Variants in APOOL observed in about 807,000 individuals in gnomAD.
APOOL encodes the protein apolipoprotein O like, also known as MICOS complex subunit MIC27.
A neutral mutation model predicts 23.1 loss-of-function variants in APOOL; 12 were observed. The observed-to-expected ratio is 0.52, with a 90% CI of 0.33 to 0.84. APOOL has a LOEUF of 0.84. Ranked by LOEUF, APOOL falls within the 40% of genes least tolerant of loss-of-function variation. The pLI, the probability that APOOL is intolerant of heterozygous loss-of-function variation, is 0.02. For missense variants in APOOL, 212 were observed against 199.6 expected, an observed-to-expected ratio of 1.06 and a Z score of -0.37; for synonymous variants, 77 against 69.9, an observed-to-expected ratio of 1.10 and a Z score of -0.51.
intron 6 of APOOL, 109 bp downstream of exon 6, chrX:85,067,327 G>T: frequency 1.9e-6 from 1 of 517,572 alleles, no homozygotes; most frequent in Admixed American, 3.5e-5. Context: ...AAGAGACATA[G>T]TTGGTATCAA....
chrX:85,007,273 A>G (rs1921111555), intron 1 of APOOL, among the ~76,000 whole-genome samples: 1 of 111,531 alleles, frequency 9.0e-6, no homozygotes, highest in Admixed American at 9.6e-5. Context: ...TGCTCACAGC[A>G]TAGGAGGGGA....
At chrX:85,052,080 AT>A (rs1387171995) in intron 3 of APOOL, among the ~76,000 whole-genome samples, 3 of 112,038 alleles carry the variant, frequency 2.7e-5, no homozygotes, top group Non-Finnish European at 3.8e-5. Context: ...GCAGCAAATA[AT>A]TTGTGGCTAT....
intron 5 of APOOL, among the ~76,000 whole-genome samples, chrX:85,059,326 C>T (rs1463148369): frequency 2.7e-5 from 3 of 109,199 alleles, no homozygotes; most frequent in Non-Finnish European, 3.8e-5. Context: ...TGAATAGTGC[C>T]GCAATAAACA....
At chrX:85,080,251 C>T (rs1179371233) in intron 8 of APOOL, among the ~76,000 whole-genome samples, 1 of 112,144 alleles carries the variant, frequency 8.9e-6, no homozygotes, top group Non-Finnish European at 1.9e-5. Flanking sequence ...TCCTTCTACA[C>T]ACTGCTTTAA....
intron 1 of APOOL, among the ~76,000 whole-genome samples, chrX:85,011,918 G>A (rs985624841): frequency 1.8e-5 from 2 of 111,535 alleles, no homozygotes; most frequent in Non-Finnish European, 3.8e-5. Flanking sequence ...TATTGAATCC[G>A]TAGATCACTT....
At chrX:85,026,745 G>A (rs907572293) in intron 1 of APOOL, among the ~76,000 whole-genome samples, 15 of 111,259 alleles carry the variant, frequency 1.3e-4, no homozygotes, top group South Asian at 7.6e-4. Context: ...GCTGACCTTC[G>A]CTCCAGTTCC....
intron 1 of APOOL, among the ~76,000 whole-genome samples, chrX:85,045,366 T>C (rs1410899545): frequency 8.9e-6 from 1 of 111,932 alleles, no homozygotes; most frequent in African/African-American, 3.2e-5. Context: ...ACTTAACTGA[T>C]TGATGCCTGA....
At chrX:85,014,454 G>T (rs781664455) in intron 1 of APOOL, among the ~76,000 whole-genome samples, 6 of 109,561 alleles carry the variant, frequency 5.5e-5, no homozygotes, top group Non-Finnish European at 9.5e-5. Flanking sequence ...GGTGTATTTT[G>T]AGGTTTTCTT....
intron 1 of APOOL, among the ~76,000 whole-genome samples, chrX:85,005,005 G>A (rs1231761205): frequency 9.1e-6 from 1 of 110,366 alleles, no homozygotes; most frequent in Non-Finnish European, 1.9e-5. Flanking sequence ...GGCCTAAAGT[G>A]CCTTTTCCCA....
chrX:85,065,740 T>A (rs930501167), intron 5 of APOOL, among the ~76,000 whole-genome samples: 2 of 110,933 alleles, frequency 1.8e-5, no homozygotes, highest in Admixed American at 9.7e-5. Context: ...ACCTACTATG[T>A]TTAGGAGCAG....
At chrX:85,082,706 A>G (rs1713218115) in intron 8 of APOOL, among the ~76,000 whole-genome samples, 1 of 112,115 alleles carries the variant, frequency 8.9e-6, no homozygotes, top group Non-Finnish European at 1.9e-5. Flanking sequence ...TTTAAACTAC[A>G]ATGGCAGAGT....
At chrX:85,047,039 G>C (rs945684354) in intron 2 of APOOL, among the ~76,000 whole-genome samples, 6 of 111,083 alleles carry the variant, frequency 5.4e-5, no homozygotes, top group Admixed American at 3.9e-4. Flanking sequence ...AGCCCATTCC[G>C]TTTTCTAAAT....
intron 5 of APOOL, among the ~76,000 whole-genome samples, chrX:85,066,667 T>G (rs1170474259): frequency 9.0e-6 from 1 of 110,885 alleles, no homozygotes; most frequent in East Asian, 2.8e-4. Flanking sequence ...AGTTGATGAT[T>G]TAGTTGAGTC....
At chrX:85,070,756 T>G (rs1923638269) in intron 6 of APOOL, among the ~76,000 whole-genome samples, 1 of 109,497 alleles carries the variant, frequency 9.1e-6, no homozygotes, top group Non-Finnish European at 1.9e-5. Flanking sequence ...ACATCTCATT[T>G]ACCTCACTGC....
intron 1 of APOOL, among the ~76,000 whole-genome samples, chrX:85,012,794 C>T (rs897001224): frequency 9.0e-6 from 1 of 111,327 alleles, no homozygotes; most frequent in Non-Finnish European, 1.9e-5. Flanking sequence ...GGATATTGGT[C>T]TGTAGTTTTC....
At chrX:85,058,227 C>T (rs1269978307) in intron 5 of APOOL, among the ~76,000 whole-genome samples, 2 of 110,477 alleles carry the variant, frequency 1.8e-5, no homozygotes, top group Non-Finnish European at 3.8e-5. Flanking sequence ...CTTCCGCCCC[C>T]ACCCTCCCAC....
intron 1 of APOOL, among the ~76,000 whole-genome samples, chrX:85,008,573 G>GTGTGTGTGTGTGTGTGTGTA (rs900170075): frequency 1.8e-5 from 2 of 108,705 alleles, no homozygotes; most frequent in African/African-American, 6.7e-5. Context: ...GTGTGTGTGT[G>GTGTGTGTGTGTGTGTGTGTA]TATACCACAG....
At chrX:85,053,285 C>T (rs755082668) in intron 3 of APOOL, among the ~76,000 whole-genome samples, 1 of 111,512 alleles carries the variant, frequency 9.0e-6, no homozygotes, top group South Asian at 3.8e-4. Flanking sequence ...GGTATTTTAA[C>T]TTTGAAGGTG....
intron 1 of APOOL, among the ~76,000 whole-genome samples, chrX:85,017,615 T>C (rs1401301591): frequency 8.9e-6 from 1 of 111,736 alleles, no homozygotes; most frequent in Non-Finnish European, 1.9e-5. Flanking sequence ...GACCGCTCCC[T>C]AATTCTGCTG....
Sources: gnomAD v4.1 joint callset for allele counts (sites outside exome capture counted in the v4.1 genomes callset) on GRCh38, gnomAD v4.1.1 for gene constraint, MANE v1.5 for transcripts, NCBI Gene and HGNC (gene_info 2026-07-23, HGNC 2026-07-21) for gene names.